The following GPR157 variants were observed in gnomAD, a reference collection of about 807,000 sequenced individuals.
The protein encoded by GPR157 is G-protein coupled receptor 157.
GPR157 carries 16 observed loss-of-function variants against 23.5 expected under a neutral mutation model. That is an observed-to-expected ratio of 0.68 (90% confidence interval 0.46 to 1.04). The LOEUF (loss-of-function observed/expected upper bound fraction) is 1.04, where lower values mean the gene tolerates loss of function less well. GPR157 is among the 50% of genes least tolerant of loss of function. The probability of loss-of-function intolerance (pLI) is 0.00; values close to 1 mark genes in which losing one functional copy is unlikely to be tolerated. For missense variants in GPR157, 440 were observed against 460.7 expected, an observed-to-expected ratio of 0.96 and a Z score of 0.41; for synonymous variants, 200 against 221.5, an observed-to-expected ratio of 0.90 and a Z score of 0.86.
rs1638587889 is a variant in GPR157, at chr1:9,114,353, G to T, written c.384-2864C>A. ...AAAAAAAAAAAAAAAAAAGTAATCGGCTCTTCAAGTGCCACCACGCCAATC... is the reference window on the plus strand; with the variant it reads ...AAAAAAAAAAAAAAAAAAGTAATCGTCTCTTCAAGTGCCACCACGCCAATC... On this transcript the variant is annotated intron_variant, in intron 1 of 3. Transcript: ENST00000377411. 2.8e-5 allele frequency among the ~76,000 whole-genome samples: 4 copies of T among 144,430 alleles called. No homozygotes were observed. The South Asian group carries it at 6.5e-4, about 23-fold the overall frequency. 94.8% of individuals were successfully genotyped at this position (144,430 alleles called of 152,430 possible).
At position 9,101,487 on chromosome 1, in the gene GPR157, C is replaced by T. The variant is rs1045156411; in HGVS notation, c.*2932G>A. 6.6e-6 allele frequency: 1 copy of T among 152,264 alleles called. No individual in the cohort carries two copies. The highest frequency in any genetic ancestry group is 2.4e-5 in the African/African-American group (1 of 41,454). The allele number at this position is 152,264 out of a possible 1,614,324, so 9.4% of individuals were successfully genotyped here. A position where few individuals can be genotyped will look rare whatever the true frequency, so the allele number is the denominator to read the frequency against. ...TATTGCTGTTTTCGAGGTCGATGGG[C>T]CAGGGGCCTGGGCTAAGGCACTTAG... is the stretch of plus-strand genomic sequence containing the variant. On this transcript the variant is annotated 3_prime_UTR_variant, in exon 4 of 4. Coordinates refer to ENST00000377411, the MANE Select transcript of GPR157 (RefSeq NM_024980.5).
chr1:9,104,662 T>C (rs777758122), intron 3 of GPR157, 28 bp from the exon 4 acceptor site: 1 of 1,532,928 alleles, frequency 6.5e-7, no homozygotes. Context: ...GCTGTGAGCA[T>C]GGGGCTGGAG....
chr1:9,124,640 C>T (rs562970702), intron 1 of GPR157, among the ~76,000 whole-genome samples: 18 of 152,272 alleles, frequency 1.2e-4, no homozygotes, highest in Admixed American at 3.3e-4. Flanking sequence ...TGGCATACTC[C>T]CTTCTGAGAA....
rs559046124 is a variant in GPR157, at chr1:9,127,482, A to C, written c.383+1163T>G. 2.0e-5 allele frequency among the ~76,000 whole-genome samples: 3 copies of C among 152,352 alleles called. No homozygotes were observed. The East Asian group carries it at 5.8e-4, about 29-fold the overall frequency. ...GCCATCACGGGACCCAGACAGGGTC[A>C]GATGGGATGCTGCCGGGAAGGCAAG... On this transcript the variant is annotated intron_variant, in intron 1 of 3. Transcript: ENST00000377411.
intron 2 of GPR157, among the ~76,000 whole-genome samples, chr1:9,107,230 C>G (rs1018555871): frequency 1.3e-5 from 2 of 152,332 alleles, no homozygotes; most frequent in East Asian, 3.9e-4. Flanking sequence ...AAAACGTGAG[C>G]TCGAGCCAGA....
chr1:9,118,713 GAACCTAACCT>G lies in GPR157; in HGVS notation c.384-7234_384-7225del, dbSNP rs919701049. On this transcript the variant is annotated intron_variant, in intron 1 of 3. Transcript: ENST00000377411. This position sits in a 1 kb window ranked among gnomAD's most constrained non-coding sequence, Gnocchi z 4.6. ...AAGTTAAAATGCAGTCATCAGAGTG[GAACCTAACCT>G]AACAACCTCTGTGGTCATAACTTAA... Among the ~76,000 whole-genome samples, 5 of 152,238 alleles carry G rather than the reference GAACCTAACCT, an allele frequency of 3.3e-5. No homozygotes were observed. In the East Asian group the frequency reaches 9.6e-4, roughly 29 times the overall value.
At chr1:9,110,744 T>C (rs1372905557) in intron 2 of GPR157, among the ~76,000 whole-genome samples, 1 of 152,154 alleles carries the variant, frequency 6.6e-6, no homozygotes, top group Non-Finnish European at 1.5e-5. Flanking sequence ...CCCAGCCTAC[T>C]CATTTCTGAA....
intron 2 of GPR157, among the ~76,000 whole-genome samples, chr1:9,106,300 C>T (rs1023806861): frequency 1.3e-4 from 20 of 152,170 alleles, no homozygotes; most frequent in Admixed American, 1.0e-3. Context: ...GATGGGCTCC[C>T]TCCTCCGCCT....
Position 9,104,488 on chromosome 1 carries a change from A to G in GPR157, c.939T>C (p.Ala313=). 6.2e-7 allele frequency: 1 copy of G among 1,613,178 alleles called. No homozygotes were observed. The highest frequency in any genetic ancestry group is 8.5e-7 in the Non-Finnish European group (1 of 1,179,794). ...PTKSPAGTPK[A]PAPSKPGESQ... ...ATTCTCCTGGCTTGGAAGGCGCGGG[A>G]GCCTTGGGAGTGCCAGCCGGGCTCT... The change falls in exon 4 of 4, where the codon GCT becomes GCC. Residue 313 remains alanine, a synonymous_variant. Coordinates refer to ENST00000377411, the MANE Select transcript of GPR157 (RefSeq NM_024980.5).
At chr1:9,117,879 C>T (rs1017366470) in intron 1 of GPR157, among the ~76,000 whole-genome samples, 3 of 152,044 alleles carry the variant, frequency 2.0e-5, no homozygotes, top group Non-Finnish European at 2.9e-5. Context: ...GCCACCACCC[C>T]AAAAAAATAA....
At chr1:9,106,742 T>C (rs1248370191) in intron 2 of GPR157, among the ~76,000 whole-genome samples, 3 of 152,168 alleles carry the variant, frequency 2.0e-5, no homozygotes, top group African/African-American at 7.2e-5. Context: ...GGTGGGTAGA[T>C]TGCTTGAAGT....
Position 9,102,685 on chromosome 1 carries a change from C to G in GPR157, c.*1734G>C, listed in dbSNP as rs1165293489. On this transcript the variant is annotated 3_prime_UTR_variant, in exon 4 of 4. Coordinates refer to ENST00000377411, the MANE Select transcript of GPR157 (RefSeq NM_024980.5). Reference sequence around the variant, plus strand: ...AAGCTGTACTTTCTCTCACCAAGACCCTGGAGGTAGCATTTCCACTTCCAT... The same window carrying G: ...AAGCTGTACTTTCTCTCACCAAGACGCTGGAGGTAGCATTTCCACTTCCAT... 6.6e-6 allele frequency: 1 copy of G among 152,080 alleles called. No homozygotes were observed. Among genetic ancestry groups the G allele is most frequent in the Admixed American group, 6.6e-5 (1 of 15,264 alleles). The allele number at this position is 152,080 out of a possible 1,614,324, so 9.4% of individuals were successfully genotyped here.
chr1:9,126,352 A>AT (rs1446748416), intron 1 of GPR157, among the ~76,000 whole-genome samples: 1 of 151,996 alleles, frequency 6.6e-6, no homozygotes, highest in Non-Finnish European at 1.5e-5. Flanking sequence ...TATATGACAT[A>AT]TTTTTTCAAC....
chr1:9,127,613 C>G (rs945111013), intron 1 of GPR157, among the ~76,000 whole-genome samples: 2 of 152,222 alleles, frequency 1.3e-5, no homozygotes, highest in African/African-American at 4.8e-5. Context: ...CTTAGTTTCT[C>G]AAGGACCAGC....
At chr1:9,111,899 G>A (rs1638512674) in intron 1 of GPR157, among the ~76,000 whole-genome samples, 1 of 152,210 alleles carries the variant, frequency 6.6e-6, no homozygotes, top group African/African-American at 2.4e-5. Context: ...GAACCCAGGA[G>A]GTGGAGGTTG....
chr1:9,116,309 T>TATATTA (rs1466795332), intron 1 of GPR157, among the ~76,000 whole-genome samples: 96 of 6,980 alleles, frequency 0.014, no homozygotes, highest in Non-Finnish European at 0.017. Context: ...ATATATTATA[T>TATATTA]TATATATAAT....
chr1:9,113,669 C>T (rs1461239398), intron 1 of GPR157, among the ~76,000 whole-genome samples: 1 of 152,264 alleles, frequency 6.6e-6, no homozygotes, highest in African/African-American at 2.4e-5. Flanking sequence ...AAAGGCCAGG[C>T]GCGGTGGCTC....
At chr1:9,123,283 T>A (rs1638854610) in intron 1 of GPR157, among the ~76,000 whole-genome samples, 3 of 29,364 alleles carry the variant, frequency 1.0e-4, no homozygotes, top group African/African-American at 3.0e-4. Flanking sequence ...TAAATATATA[T>A]TTAAATTAAT....
In GPR157 at chr1:9,111,479, G is replaced by T. The variant is rs1445013413; in HGVS notation, c.394C>A (p.Pro132Thr). The change falls in exon 2 of 4, where the codon CCG becomes ACG. Residue 132 changes from proline to threonine, a missense_variant. Physicochemically the swap from Pro to Thr is conservative, Grantham distance 38 (BLOSUM62 -1). Transcript: ENST00000377411. ...WAFHVVSWGV[P>T]LVITVAAVAL... ...ACGGCTGCCACAGTGATGACCAACGGGACCCCCCAGCTGAGGAAGGAGGAG... is the reference window on the plus strand; with the variant it reads ...ACGGCTGCCACAGTGATGACCAACGTGACCCCCCAGCTGAGGAAGGAGGAG... The T allele has an allele frequency of 2.5e-6, 4 of 1,613,364 alleles. No individual in the cohort carries two copies. The highest frequency in any genetic ancestry group is 3.4e-6 in the Non-Finnish European group (4 of 1,179,472).
Sources: allele counts gnomAD v4.1 joint callset (sites outside exome capture counted in the v4.1 genomes callset), GRCh38; gene constraint gnomAD v4.1.1; non-coding constraint Gnocchi (gnomAD v3.1); transcripts MANE v1.5; gene names NCBI Gene and HGNC (gene_info 2026-07-23, HGNC 2026-07-21).